GRB14: variants seen among roughly 807,000 people sequenced by gnomAD.
The protein encoded by GRB14 is growth factor receptor bound protein 14.
A neutral mutation model predicts 69.1 loss-of-function variants in GRB14; 38 were observed. The observed-to-expected ratio is 0.55, with a 90% CI of 0.42 to 0.72. The LOEUF (loss-of-function observed/expected upper bound fraction) is 0.72. Among genes scored for constraint, GRB14 ranks in the 30% least tolerant of loss-of-function variants. GRB14 has a pLI of 0.00. For synonymous variants in GRB14, 247 were observed against 241.3 expected (o/e 1.02, Z -0.22); for missense variants, 666 against 666.1 (o/e 1.00, Z 0.00).
intron 4 of GRB14, among the ~76,000 whole-genome samples, chr2:164,526,001 A>T (rs548430148): frequency 2.1e-4 from 32 of 152,236 alleles, no homozygotes; most frequent in African/African-American, 7.5e-4. Flanking sequence ...AATAAATAAA[A>T]AACAAGCATT....
At chr2:164,566,142 G>C (rs1688967282) in intron 2 of GRB14, among the ~76,000 whole-genome samples, 1 of 152,156 alleles carries the variant, frequency 6.6e-6, no homozygotes, top group Admixed American at 6.5e-5. Flanking sequence ...CAAATTCTCT[G>C]AGAAATGCTT....
chr2:164,558,097 G>A (rs542488196), intron 2 of GRB14, among the ~76,000 whole-genome samples: 2 of 152,232 alleles, frequency 1.3e-5, no homozygotes, highest in South Asian at 4.1e-4. Flanking sequence ...AAAAAAGCCT[G>A]CAGGCAAGAA....
In GRB14 at chr2:164,517,354, T is replaced by C. The variant is rs188696672; in HGVS notation, c.816+4626A>G. On this transcript the variant is annotated intron_variant, in intron 6 of 13. Coordinates refer to ENST00000263915, the MANE Select transcript of GRB14 (RefSeq NM_004490.3). The stretch of plus-strand genomic sequence containing the variant: ...ATGACAGTACAATTCAAGATGAGAT[T>C]TGGTTGGGGACACAGCCAAACCATA... Among the ~76,000 whole-genome samples, 11 of 152,256 alleles carry C rather than the reference T, an allele frequency of 7.2e-5. No homozygotes were observed. The East Asian group carries it at 2.1e-3, about 29-fold the overall frequency.
intron 3 of GRB14, among the ~76,000 whole-genome samples, chr2:164,536,990 C>T (rs892083439): frequency 1.3e-5 from 2 of 152,114 alleles, no homozygotes; most frequent in African/African-American, 2.4e-5. Context: ...TGTATGAGTA[C>T]GGACGGTGGC....
intron 3 of GRB14, among the ~76,000 whole-genome samples, chr2:164,532,208 G>A (rs1295913324): frequency 6.6e-6 from 1 of 152,106 alleles, no homozygotes; most frequent in East Asian, 1.9e-4. Context: ...GATAAAAACT[G>A]CATTGATTAT....
intron 2 of GRB14, among the ~76,000 whole-genome samples, chr2:164,569,732 CA>C (rs1320262973): frequency 2.6e-5 from 4 of 152,198 alleles, no homozygotes; most frequent in East Asian, 1.9e-4. Context: ...ATTTCAAAAC[CA>C]AAAATCCCTC....
chr2:164,595,115 G>T (rs980269334), intron 2 of GRB14, among the ~76,000 whole-genome samples: 1 of 152,172 alleles, frequency 6.6e-6, no homozygotes, highest in Non-Finnish European at 1.5e-5. Flanking sequence ...ATCAAAGGAA[G>T]AATAAAATAA....
At chr2:164,579,501 G>GCACACACACACA (rs61305070) in intron 2 of GRB14, among the ~76,000 whole-genome samples, 1 of 145,010 alleles carries the variant, frequency 6.9e-6, no homozygotes, top group Non-Finnish European at 1.5e-5. Flanking sequence ...GGGCACACTT[G>GCACACACACACA]CACACACACA....
chr2:164,527,430 C>T (rs1377880031), intron 3 of GRB14, among the ~76,000 whole-genome samples: 1 of 151,332 alleles, frequency 6.6e-6, no homozygotes, highest in Non-Finnish European at 1.5e-5. Context: ...TCTCAATTTC[C>T]TTTTATTACT....
chr2:164,492,861 A>G lies in GRB14; in HGVS notation c.*175T>C. 1 of 495,972 alleles carries G rather than the reference A, an allele frequency of 2.0e-6. No individual in the cohort carries two copies. The highest frequency in any genetic ancestry group is 3.3e-5 in the East Asian group (1 of 30,600). 30.7% of individuals were successfully genotyped at this position (495,972 alleles called of 1,614,324 possible). ...TTTAACTAATGAATTTTAAATGATG[A>G]ATGTAAAGTCAATCCAAGTCTTTGC... On this transcript the variant is annotated 3_prime_UTR_variant, in exon 14 of 14. Coordinates refer to ENST00000263915, the MANE Select transcript of GRB14 (RefSeq NM_004490.3).
chr2:164,498,354 G>A (rs1313322348), intron 9 of GRB14, among the ~76,000 whole-genome samples: 1 of 152,070 alleles, frequency 6.6e-6, no homozygotes, highest in Admixed American at 6.6e-5. Context: ...AGTAAAATAT[G>A]CAAAACCCGA....
At chr2:164,598,132 T>C (rs551548088) in intron 2 of GRB14, among the ~76,000 whole-genome samples, 2 of 152,204 alleles carry the variant, frequency 1.3e-5, no homozygotes, top group South Asian at 4.1e-4. Flanking sequence ...AGATATACGG[T>C]GCTATCCTCC....
intron 2 of GRB14, among the ~76,000 whole-genome samples, chr2:164,583,731 A>C (rs1158170296): frequency 6.6e-6 from 1 of 152,220 alleles, no homozygotes; most frequent in African/African-American, 2.4e-5. Context: ...AAATAGTAAA[A>C]GAATATAAGA....
intron 6 of GRB14, among the ~76,000 whole-genome samples, chr2:164,510,321 C>A (rs1422105631): frequency 6.6e-6 from 1 of 152,096 alleles, no homozygotes; most frequent in African/African-American, 2.4e-5. Flanking sequence ...AGGCTTATGG[C>A]ACTATAAGGC....
intron 12 of GRB14, 88 bp downstream of exon 12, chr2:164,496,920 G>T: frequency 3.0e-6 from 3 of 1,012,894 alleles, no homozygotes; most frequent in East Asian, 2.5e-5. Flanking sequence ...CCCAAATCAA[G>T]AACTCTTTGT....
intron 2 of GRB14, among the ~76,000 whole-genome samples, chr2:164,607,450 T>C (rs1224150103): frequency 6.6e-6 from 1 of 152,208 alleles, no homozygotes; most frequent in Non-Finnish European, 1.5e-5. Context: ...AATCCATATA[T>C]ATGTGAACAT....
chr2:164,589,407 G>A (rs1457094656), intron 2 of GRB14, among the ~76,000 whole-genome samples: 1 of 152,086 alleles, frequency 6.6e-6, no homozygotes, highest in African/African-American at 2.4e-5. Context: ...TAATTTATAA[G>A]GAAAAATGGT....
At chr2:164,604,211 C>T (rs977071115) in intron 2 of GRB14, among the ~76,000 whole-genome samples, 28 of 152,158 alleles carry the variant, frequency 1.8e-4, no homozygotes, top group African/African-American at 6.8e-4. Flanking sequence ...TACAGCCAAG[C>T]AATTCTACTT....
chr2:164,568,237 T>C (rs767546247), intron 2 of GRB14: 93 of 824,234 alleles, frequency 1.1e-4, no homozygotes, highest in Non-Finnish European at 1.4e-4. Flanking sequence ...GCTTCCTATG[T>C]ATTAATAAAC....
Sources: gnomAD v4.1 joint callset for allele counts (sites outside exome capture counted in the v4.1 genomes callset) on GRCh38, gnomAD v4.1.1 for gene constraint, MANE v1.5 for transcripts, NCBI Gene and HGNC (gene_info 2026-07-23, HGNC 2026-07-21) for gene names.